Variants in NELL1 observed in about 807,000 individuals in gnomAD.
NELL1 encodes protein kinase C-binding protein NELL1.
Under a neutral mutation model 107.4 loss-of-function variants are expected in NELL1, and 76 were observed. That is an observed-to-expected ratio of 0.71 (90% CI 0.59 to 0.86). The LOEUF is 0.86. Ranked by LOEUF, NELL1 falls within the 40% of genes least tolerant of loss-of-function variation. The pLI, the probability that NELL1 is intolerant of heterozygous loss-of-function variation, is 0.00. For synonymous variants in NELL1, 353 were observed against 341.2 expected (o/e 1.03, Z -0.38); for missense variants, 1,024 against 1,005.5 (o/e 1.02, Z -0.25).
intron 3 of NELL1, among the ~76,000 whole-genome samples, chr11:20,818,305 G>A (rs1857668849): frequency 6.6e-6 from 1 of 151,270 alleles, no homozygotes; most frequent in Admixed American, 6.6e-5. Context: ...AAGTCTTCCT[G>A]TTGAATTGAA....
At chr11:20,956,021 C>G (rs1280135207) in intron 11 of NELL1, among the ~76,000 whole-genome samples, 2 of 151,918 alleles carry the variant, frequency 1.3e-5, no homozygotes, top group African/African-American at 4.8e-5. Flanking sequence ...GAGTTAGAGA[C>G]CAGCCTGGCC....
chr11:21,163,168 A>G (rs1477158236), intron 13 of NELL1, among the ~76,000 whole-genome samples: 3 of 152,260 alleles, frequency 2.0e-5, no homozygotes, highest in South Asian at 4.2e-4. Context: ...TTTCAAGTAA[A>G]TTGGTGTCAG....
At chr11:21,135,813 G>A (rs973926929) in intron 13 of NELL1, among the ~76,000 whole-genome samples, 6 of 151,764 alleles carry the variant, frequency 4.0e-5, no homozygotes, top group Non-Finnish European at 8.8e-5. Context: ...ATTTTCATAT[G>A]GTTATATAGA....
chr11:21,332,795 TA>T (rs1223154951), intron 14 of NELL1, among the ~76,000 whole-genome samples: 4 of 152,138 alleles, frequency 2.6e-5, no homozygotes, highest in East Asian at 1.9e-4. Flanking sequence ...TAACTGAAAT[TA>T]TTTTTTTAAT....
At chr11:20,996,399 T>C (rs1369474535) in intron 12 of NELL1, among the ~76,000 whole-genome samples, 1 of 152,230 alleles carries the variant, frequency 6.6e-6, no homozygotes, top group Non-Finnish European at 1.5e-5. Flanking sequence ...CCATGCATGA[T>C]GAGTGCTGCC....
intron 14 of NELL1, among the ~76,000 whole-genome samples, chr11:21,275,419 AC>A (rs1848832331): frequency 6.6e-6 from 1 of 152,176 alleles, no homozygotes; most frequent in African/African-American, 2.4e-5. Flanking sequence ...TAGCTTACCA[AC>A]CAAAAAAAGT....
At chr11:20,883,241 G>A (rs1396435780) in intron 4 of NELL1, among the ~76,000 whole-genome samples, 1 of 152,188 alleles carries the variant, frequency 6.6e-6, no homozygotes, top group Admixed American at 6.5e-5. Context: ...TGTGCCCTGG[G>A]TCACCCTGCT....
intron 12 of NELL1, among the ~76,000 whole-genome samples, chr11:21,089,202 G>T (rs1317802183): frequency 1.3e-5 from 2 of 152,208 alleles, no homozygotes; most frequent in Non-Finnish European, 2.9e-5. Flanking sequence ...AGAGGAATCA[G>T]ATGTAATGGC....
intron 14 of NELL1, among the ~76,000 whole-genome samples, chr11:21,276,440 A>G (rs989073342): frequency 2.0e-5 from 3 of 152,262 alleles, no homozygotes; most frequent in Admixed American, 2.0e-4. Context: ...CATTGGTAGG[A>G]AGAATCAATA....
At chr11:21,419,387 T>C (rs955959439) in intron 15 of NELL1, among the ~76,000 whole-genome samples, 1 of 152,152 alleles carries the variant, frequency 6.6e-6, no homozygotes, top group Non-Finnish European at 1.5e-5. Context: ...AACCGTCACA[T>C]TTTTGTGTAA....
At chr11:20,791,991 T>C (rs1028139026) in intron 3 of NELL1, among the ~76,000 whole-genome samples, 1 of 152,116 alleles carries the variant, frequency 6.6e-6, no homozygotes, top group Non-Finnish European at 1.5e-5. Flanking sequence ...TAATCCTTTT[T>C]CTATTTTATG....
In NELL1 at chr11:20,677,997, A is replaced by C; in HGVS notation, c.121A>C (p.Thr41Pro). The C allele has an allele frequency of 6.2e-7, 1 of 1,614,102 alleles. No homozygotes were observed. Among genetic ancestry groups the C allele is most frequent in the Non-Finnish European group, 8.5e-7 (1 of 1,179,986 alleles). Residue 41 changes from threonine (T) to proline (P), a missense_variant, in exon 2 of 20, where the codon ACC becomes CCC. Transcript: ENST00000357134. ...CGTCACCGAGCTTGACCTTGTGAAC[A>C]CCACCCTTGGAGTTGCTCAGGTGTC... is the stretch of plus-strand genomic sequence containing the variant. ...DIVTELDLVN[T>P]TLGVAQVSGM... is the part of the protein sequence containing the mutation.
intron 12 of NELL1, among the ~76,000 whole-genome samples, chr11:20,964,092 C>T (rs143288081): frequency 6.6e-6 from 1 of 152,156 alleles, no homozygotes. Context: ...CCTTTTCTGA[C>T]TCCAGGAGGA....
chr11:20,800,763 C>T (rs77608620), intron 3 of NELL1, among the ~76,000 whole-genome samples: 4,385 of 152,110 alleles, frequency 0.029, 226 homozygotes, highest in African/African-American at 0.1. Flanking sequence ...AGGATGTGCC[C>T]GTGGCTGGAA....
chr11:20,861,773 G>A (rs765223702), intron 4 of NELL1, among the ~76,000 whole-genome samples: 2 of 152,176 alleles, frequency 1.3e-5, no homozygotes, highest in Non-Finnish European at 2.9e-5. Context: ...TAGTGGTTCC[G>A]AGCATGAGCT....
At chr11:21,469,005 T>C (rs1290454782) in intron 15 of NELL1, among the ~76,000 whole-genome samples, 1 of 151,972 alleles carries the variant, frequency 6.6e-6, no homozygotes, top group African/African-American at 2.4e-5. Flanking sequence ...TTTTGTTTGT[T>C]TTTTGTTTTG....
chr11:20,863,953 C>G (rs1406118186), intron 4 of NELL1, among the ~76,000 whole-genome samples: 2 of 152,210 alleles, frequency 1.3e-5, no homozygotes, highest in South Asian at 4.1e-4. Context: ...CAAAAAAATA[C>G]GAAAACCAGT....
intron 12 of NELL1, among the ~76,000 whole-genome samples, chr11:21,100,355 T>C (rs143200614): frequency 6.6e-6 from 1 of 152,326 alleles, no homozygotes; most frequent in Non-Finnish European, 1.5e-5. Context: ...TTCAGTGGCA[T>C]TAATTACATT....
At chr11:21,394,561 T>A (rs1851943545) in intron 15 of NELL1, among the ~76,000 whole-genome samples, 1 of 151,442 alleles carries the variant, frequency 6.6e-6, no homozygotes, top group African/African-American at 2.4e-5. Flanking sequence ...TGTCCTTGTA[T>A]ATAAAGTATG....
Sources: allele counts gnomAD v4.1 joint callset (sites outside exome capture counted in the v4.1 genomes callset), GRCh38; gene constraint gnomAD v4.1.1; transcripts MANE v1.5; gene names NCBI Gene and HGNC (gene_info 2026-07-23, HGNC 2026-07-21).